NEDD9: variants seen among roughly 807,000 people sequenced by gnomAD.
NEDD9 encodes neural precursor cell expressed, developmentally down-regulated 9.
A neutral mutation model predicts 76.6 loss-of-function variants in NEDD9; 26 were observed. The ratio of observed to expected loss-of-function variants is 0.34; its 90% CI spans 0.25 to 0.47. The LOEUF is 0.47. Among genes scored for constraint, NEDD9 ranks in the 20% least tolerant of loss-of-function variants. The pLI, the probability that NEDD9 is intolerant of heterozygous loss-of-function variation, is 1.00. For synonymous variants in NEDD9, 392 were observed against 414.2 expected (o/e 0.95, Z 0.65); for missense variants, 937 against 1,058.5 (o/e 0.89, Z 1.59).
At chr6:11,348,926 G>A (rs532357450) in intron 1 of NEDD9, among the ~76,000 whole-genome samples, 78 of 152,158 alleles carry the variant, frequency 5.1e-4, no homozygotes, top group Non-Finnish European at 9.7e-4. Flanking sequence ...TGACAAATGG[G>A]ATCTAATTAA....
chr6:11,365,170 A>G (rs1407682442), intron 1 of NEDD9, among the ~76,000 whole-genome samples: 1 of 152,158 alleles, frequency 6.6e-6, no homozygotes, highest in African/African-American at 2.4e-5. Context: ...TCATTTCTCA[A>G]TCACCCTCAC....
Position 11,279,111 on chromosome 6 carries a change from A to C in NEDD9, c.12+26881T>G, listed in dbSNP as rs148164440. Reference sequence around the variant, plus strand: ...GTAAAGGCAATAGATACCTTTTGGAAAGTTGTCTTCACCCTAAAAGGCTAC... The same window carrying C: ...GTAAAGGCAATAGATACCTTTTGGACAGTTGTCTTCACCCTAAAAGGCTAC... On this transcript the variant is annotated intron_variant, in intron 3 of 3. Transcript: ENST00000397378. Among the ~76,000 whole-genome samples the C allele has an allele frequency of 2.4e-3, 372 of 152,364 alleles. 3 individuals are homozygous for C. The highest frequency in any genetic ancestry group is 8.5e-3 in the African/African-American group (352 of 41,582).
intron 3 of NEDD9, among the ~76,000 whole-genome samples, chr6:11,292,550 C>T (rs1405510015): frequency 6.6e-6 from 1 of 152,192 alleles, no homozygotes; most frequent in African/African-American, 2.4e-5. Context: ...GAATAGGCTT[C>T]TCATTTTCCA....
At chr6:11,376,489 G>A (rs561855088) in intron 1 of NEDD9, among the ~76,000 whole-genome samples, 31 of 152,322 alleles carry the variant, frequency 2.0e-4, no homozygotes, top group African/African-American at 7.5e-4. Flanking sequence ...AAAGAACTTG[G>A]TTGCACTGTA....
intron 3 of NEDD9, among the ~76,000 whole-genome samples, chr6:11,242,329 A>G (rs772913866): frequency 6.6e-6 from 1 of 152,150 alleles, no homozygotes; most frequent in Non-Finnish European, 1.5e-5. Context: ...GCACCCTGTG[A>G]TTTCAGACTT....
intron 1 of NEDD9, among the ~76,000 whole-genome samples, chr6:11,349,687 C>T (rs1040122785): frequency 1.3e-5 from 2 of 152,180 alleles, no homozygotes; most frequent in African/African-American, 4.8e-5. Context: ...CCAAACACTG[C>T]ATGTTCTTAC....
intron 1 of NEDD9, chr6:11,214,120 C>A: frequency 4.2e-6 from 2 of 479,370 alleles, no homozygotes; most frequent in South Asian, 1.6e-5. Flanking sequence ...CGACAATGAA[C>A]ATTTCTCAAT....
intron 1 of NEDD9, among the ~76,000 whole-genome samples, chr6:11,367,054 A>T (rs738271): frequency 0.37 from 55,986 of 152,062 alleles, 10,869 homozygotes; most frequent in Admixed American, 0.41. Context: ...GAACATTAAG[A>T]AAGGAGGGTT....
At chr6:11,325,413 T>C (rs1761904342) in intron 2 of NEDD9, among the ~76,000 whole-genome samples, 1 of 152,142 alleles carries the variant, frequency 6.6e-6, no homozygotes, top group Non-Finnish European at 1.5e-5. Context: ...TTGAATTAGT[T>C]TTGTGCAGCA....
At chr6:11,378,113 T>C (rs1293887282) in intron 1 of NEDD9, among the ~76,000 whole-genome samples, 6 of 152,104 alleles carry the variant, frequency 3.9e-5, no homozygotes, top group Non-Finnish European at 8.8e-5. Context: ...TGTGGTGGCA[T>C]GCACGTGTAA....
At chr6:11,239,549 A>G (rs532538420) in intron 3 of NEDD9, among the ~76,000 whole-genome samples, 2 of 152,328 alleles carry the variant, frequency 1.3e-5, no homozygotes, top group African/African-American at 4.8e-5. Context: ...ATGAAAGTCT[A>G]TTATTAGAGA....
intron 1 of NEDD9, among the ~76,000 whole-genome samples, chr6:11,369,230 T>G (rs978041713): frequency 6.6e-6 from 1 of 152,200 alleles, no homozygotes; most frequent in Non-Finnish European, 1.5e-5. Flanking sequence ...AGAGAAAGAA[T>G]CTCCTTAGAG....
At chr6:11,258,337 G>A (rs1760044861) in intron 3 of NEDD9, among the ~76,000 whole-genome samples, 3 of 152,292 alleles carry the variant, frequency 2.0e-5, no homozygotes, top group African/African-American at 4.8e-5. Flanking sequence ...CCAGCACCCT[G>A]GCTGGCTGGC....
chr6:11,218,555 GA>G (rs1273563394), intron 1 of NEDD9, among the ~76,000 whole-genome samples: 13 of 152,132 alleles, frequency 8.5e-5, no homozygotes, highest in African/African-American at 3.1e-4. Context: ...TAAGTTCAGA[GA>G]TGCAAATTCC....
intron 3 of NEDD9, among the ~76,000 whole-genome samples, chr6:11,287,662 C>A (rs1031311651): frequency 1.3e-5 from 2 of 152,158 alleles, no homozygotes; most frequent in African/African-American, 4.8e-5. Context: ...CCTACACATT[C>A]CTACTTAATG....
At chr6:11,253,394 A>G (rs990557984) in intron 3 of NEDD9, among the ~76,000 whole-genome samples, 3 of 152,140 alleles carry the variant, frequency 2.0e-5, no homozygotes, top group African/African-American at 7.2e-5. Context: ...TTGATCGGGG[A>G]TATGTCTCAT....
intron 2 of NEDD9, among the ~76,000 whole-genome samples, chr6:11,325,312 G>A (rs774016867): frequency 5.3e-5 from 8 of 150,564 alleles, no homozygotes; most frequent in Non-Finnish European, 1.2e-4. Flanking sequence ...CTGAGATCAT[G>A]CCACTGCACT....
chr6:11,221,998 G>A (rs146246825), intron 1 of NEDD9, among the ~76,000 whole-genome samples: 3 of 152,238 alleles, frequency 2.0e-5, no homozygotes, highest in African/African-American at 7.2e-5. Flanking sequence ...TAAGAATTAA[G>A]TTTTAATGGA....
At chr6:11,266,403 C>A (rs555399411) in intron 3 of NEDD9, among the ~76,000 whole-genome samples, 1 of 152,042 alleles carries the variant, frequency 6.6e-6, no homozygotes, top group African/African-American at 2.4e-5. Context: ...CAGGGCAACT[C>A]CACAATAAAT....
Sources: allele counts gnomAD v4.1 joint callset (sites outside exome capture counted in the v4.1 genomes callset), GRCh38; gene constraint gnomAD v4.1.1; transcripts MANE v1.5; gene names NCBI Gene and HGNC (gene_info 2026-07-23, HGNC 2026-07-21).